The following ASH1L variants were observed in gnomAD, a reference collection of about 807,000 sequenced individuals.
ASH1L encodes the protein ASH1 like histone lysine methyltransferase, also known as histone-lysine N-methyltransferase ASH1L.
Under a neutral mutation model 269.0 loss-of-function variants are expected in ASH1L, and 23 were observed. That is an observed-to-expected ratio of 0.09 (90% confidence interval 0.06 to 0.12). ASH1L has a LOEUF of 0.12. ASH1L is among the 10% of genes least tolerant of loss of function. The probability of loss-of-function intolerance (pLI) is 1.00; values close to 1 mark genes in which losing one functional copy is unlikely to be tolerated. For missense variants in ASH1L, 2,912 were observed against 3,567.8 expected (o/e 0.82, Z 4.68); for synonymous variants, 1,187 against 1,253.5 (o/e 0.95, Z 1.12).
At chr1:155,352,622 T>A in intron 17 of ASH1L, 84 bp downstream of exon 17, 1 of 1,380,878 alleles carries the variant, frequency 7.2e-7, no homozygotes, top group Non-Finnish European at 9.6e-7. Context: ...CTGGGCAATA[T>A]AGCAAGACCC....
At chr1:155,441,485 CG>C (rs1245335156) in intron 4 of ASH1L, among the ~76,000 whole-genome samples, 4 of 88,130 alleles carry the variant, frequency 4.5e-5, no homozygotes, top group Non-Finnish European at 8.4e-5. Flanking sequence ...TTTTTTGAGA[CG>C]GAGTCTTGCT....
intron 4 of ASH1L, among the ~76,000 whole-genome samples, chr1:155,458,165 A>C (rs1246040492): frequency 6.6e-6 from 1 of 152,194 alleles, no homozygotes. Flanking sequence ...TATAAAAACA[A>C]AGCACCAAGA....
At chr1:155,414,290 T>G (rs945134112) in intron 6 of ASH1L, among the ~76,000 whole-genome samples, 1 of 152,124 alleles carries the variant, frequency 6.6e-6, no homozygotes, top group Non-Finnish European at 1.5e-5. Context: ...TTTTATTTCC[T>G]ATAGCAAAAT....
rs535988143 is a variant in ASH1L, at chr1:155,524,740, C to T, written c.-99-3122G>A. 9.2e-5 allele frequency among the ~76,000 whole-genome samples: 14 copies of T among 151,678 alleles called. No homozygotes were observed. The South Asian group carries it at 1.7e-3, about 18-fold the overall frequency. ...CTATAATCCCAGCCACTCAAGAGGC[C>T]GAGGTGGGAAGATGGTTTGAGCCCA... On this transcript the variant is annotated intron_variant, in intron 1 of 27. Coordinates refer to ENST00000392403, the MANE Select transcript of ASH1L (RefSeq NM_018489.3).
At chr1:155,516,395 T>C (rs1342965558) in intron 2 of ASH1L, among the ~76,000 whole-genome samples, 1 of 152,186 alleles carries the variant, frequency 6.6e-6, no homozygotes, top group African/African-American at 2.4e-5. Context: ...ATTATCTCTG[T>C]TGGCAGACGA....
chr1:155,344,472 C>T (rs1653063615), intron 21 of ASH1L, 199 bp from the exon 22 acceptor site: 3 of 492,038 alleles, frequency 6.1e-6, no homozygotes, highest in East Asian at 6.6e-5. Flanking sequence ...GGCTAAGTAT[C>T]TCAATCTATG....
chr1:155,490,282 C>T (rs1358397002), intron 2 of ASH1L, among the ~76,000 whole-genome samples: 1 of 151,692 alleles, frequency 6.6e-6, no homozygotes, highest in Non-Finnish European at 1.5e-5. Context: ...CTTTTTATTT[C>T]CAATTGTCAG....
intron 3 of ASH1L, among the ~76,000 whole-genome samples, chr1:155,470,516 G>C (rs1665019101): frequency 4.0e-5 from 6 of 149,206 alleles, no homozygotes; most frequent in Admixed American, 4.0e-4. Flanking sequence ...TCATATACAT[G>C]TCTAAACTAT....
chr1:155,448,604 C>T (rs546400606), intron 4 of ASH1L, among the ~76,000 whole-genome samples: 34 of 152,190 alleles, frequency 2.2e-4, no homozygotes, highest in Non-Finnish European at 2.4e-4. Context: ...AAGCAATTCT[C>T]CTGCCTCAGA....
rs369118713 is a variant in ASH1L at position 155,420,112 on chromosome 1, G to A, written c.5829-4189C>T. 4.6e-5 allele frequency among the ~76,000 whole-genome samples: 7 copies of A among 152,100 alleles called. No homozygotes were observed. In the East Asian group the frequency reaches 1.2e-3, roughly 25 times the overall value. On this transcript the variant is annotated intron_variant, in intron 5 of 27. Transcript: ENST00000392403. ...GCGGGCGGACCACCTAAGGTCAGGA[G>A]TTTGAGACCAGCCTGGTGAACATGG...
intron 6 of ASH1L, among the ~76,000 whole-genome samples, chr1:155,409,025 TTTTC>T (rs1659541951): frequency 6.6e-6 from 1 of 152,096 alleles, no homozygotes; most frequent in Non-Finnish European, 1.5e-5. Flanking sequence ...GAAAATTTTC[TTTTC>T]TTTCTTTTTT....
rs887117525 is a variant in ASH1L, at chr1:155,337,697, C to T, written c.8858G>A (p.Arg2953His). The change falls in exon 28 of 28, where the codon CGT becomes CAT. Residue 2953 changes from arginine to histidine, a missense_variant. Physicochemically the swap from Arg to His is conservative, Grantham distance 29. This residue lies in a region of ASH1L where 154 missense variants were observed against 165.0 expected (regional missense o/e 0.93). Transcript: ENST00000392403. ...GCTGTTTTCTGGGATAAACAAAGTA[C>T]GCCTTCGCAGTTTCCTGCCTGATCC... ...EEGSGRKLRR[R>H]TLFIPENSFR... 7 of 1,613,950 alleles carry T rather than the reference C, an allele frequency of 4.3e-6. No homozygotes were observed. Among genetic ancestry groups the T allele is most frequent in the Non-Finnish European group, 4.2e-6 (5 of 1,179,848 alleles).
chr1:155,385,734 C>T (rs1657374686), intron 7 of ASH1L, among the ~76,000 whole-genome samples: 1 of 152,124 alleles, frequency 6.6e-6, no homozygotes, highest in Admixed American at 6.6e-5. Flanking sequence ...TGTATTTTAG[C>T]TGGCTTTTTC....
At chr1:155,442,694 A>G (rs1185867639) in intron 4 of ASH1L, among the ~76,000 whole-genome samples, 1 of 151,986 alleles carries the variant, frequency 6.6e-6, no homozygotes, top group Admixed American at 6.6e-5. Context: ...CAACTTCAAA[A>G]TTATTATTAC....
Position 155,481,151 on chromosome 1 carries a change from T to C in ASH1L, c.1719A>G (p.Glu573=). 6.2e-7 allele frequency: 1 copy of C among 1,614,066 alleles called. No individual in the cohort carries two copies. ...GATTAGGAGCCAACTGTGAAGAAGT[T>C]TCAGGGGGACTTCTGGTTAAAGGAT... ...SVNPLTRSPP[E]TSSQLAPNPL... Residue 573 remains glutamate (E), a synonymous_variant, in exon 3 of 28, where the codon GAA becomes GAG. Coordinates refer to ENST00000392403, the MANE Select transcript of ASH1L (RefSeq NM_018489.3).
chr1:155,374,289 C>T (rs1288883660), intron 10 of ASH1L, among the ~76,000 whole-genome samples: 1 of 151,772 alleles, frequency 6.6e-6, no homozygotes, highest in Non-Finnish European at 1.5e-5. Flanking sequence ...GGTGCCACTG[C>T]ACTCCAGCCT....
At chr1:155,524,213 C>T (rs1429623757) in intron 1 of ASH1L, among the ~76,000 whole-genome samples, 1 of 152,062 alleles carries the variant, frequency 6.6e-6, no homozygotes, top group Non-Finnish European at 1.5e-5. Flanking sequence ...TATAAACATA[C>T]ACACTCTCCC....
At chr1:155,350,959 C>T (rs1314261608) in intron 17 of ASH1L, among the ~76,000 whole-genome samples, 6 of 150,102 alleles carry the variant, frequency 4.0e-5, no homozygotes, top group Non-Finnish European at 5.9e-5. Flanking sequence ...AAAAAAAGAC[C>T]GGGCGCGATG....
Position 155,478,826 on chromosome 1 carries a change from CTTTTTT to C in ASH1L, c.4038_4043del (p.Lys1348_Lys1349del), listed in dbSNP as rs1379391103. The C allele has an allele frequency of 2.5e-6, 4 of 1,613,890 alleles. No individual in the cohort carries two copies. Among genetic ancestry groups the C allele is most frequent in the Non-Finnish European group, 3.4e-6 (4 of 1,179,946 alleles). The stretch of plus-strand genomic sequence containing the variant: ...TCATCTTAGGGGGTCTCCCTCTTTT[CTTTTTT>C]AAGTCAGGTTTTCGAATGTAGTGCA... On this transcript the variant is annotated inframe_deletion, in exon 3 of 28. Transcript: ENST00000392403. This position sits in a 1 kb window ranked among gnomAD's most constrained non-coding sequence, Gnocchi z 4.6.
Sources: gnomAD v4.1 joint callset for allele counts (sites outside exome capture counted in the v4.1 genomes callset) on GRCh38, gnomAD v4.1.1 for gene constraint, gnomAD v4.1.1 regional missense constraint, Gnocchi (gnomAD v3.1) non-coding constraint, MANE v1.5 for transcripts, NCBI Gene and HGNC (gene_info 2026-07-23, HGNC 2026-07-21) for gene names.